Variants in ADGRL3 observed in about 807,000 individuals in gnomAD.
The protein encoded by ADGRL3 is calcium-independent alpha-latrotoxin receptor 3.
In ADGRL3, 62 loss-of-function variants were observed where a neutral mutation model predicts 153.5. The ratio of observed to expected loss-of-function variants is 0.40; its 90% CI spans 0.33 to 0.50. ADGRL3 has a LOEUF of 0.50. Ranked by LOEUF, ADGRL3 falls within the 20% of genes least tolerant of loss-of-function variation. The pLI is 0.47. For missense variants in ADGRL3, 1,641 were observed against 1,859.4 expected (o/e 0.88, Z 2.16); for synonymous variants, 710 against 672.5 (o/e 1.06, Z -0.86).
intron 1 of ADGRL3, among the ~76,000 whole-genome samples, chr4:61,344,787 A>G (rs2151199959): frequency 6.6e-6 from 1 of 151,658 alleles, no homozygotes; most frequent in African/African-American, 2.4e-5. Flanking sequence ...TTATTTATTT[A>G]TTTATTATTT....
At chr4:61,440,295 G>T (rs1172998463) in intron 2 of ADGRL3, among the ~76,000 whole-genome samples, 15 of 152,112 alleles carry the variant, frequency 9.9e-5, no homozygotes, top group Admixed American at 9.8e-4. Context: ...TGATCCGCCT[G>T]CCTTGGCCTC....
intron 8 of ADGRL3, among the ~76,000 whole-genome samples, chr4:61,769,653 G>A (rs1041657305): frequency 6.6e-5 from 10 of 152,068 alleles, no homozygotes; most frequent in Non-Finnish European, 1.5e-4. Flanking sequence ...GTCAGTGAAG[G>A]GAGATAAGGG....
chr4:61,275,115 G>T (rs1030860442), intron 1 of ADGRL3, among the ~76,000 whole-genome samples: 3 of 152,136 alleles, frequency 2.0e-5, no homozygotes, highest in Non-Finnish European at 2.9e-5. Context: ...ATAGATGATG[G>T]AGTCAACCTG....
At chr4:61,460,326 T>C (rs2097795603) in intron 2 of ADGRL3, among the ~76,000 whole-genome samples, 1 of 152,104 alleles carries the variant, frequency 6.6e-6, no homozygotes, top group Non-Finnish European at 1.5e-5. Context: ...GAAGAGGGTG[T>C]CCTTTCCCCA....
Position 61,847,612 on chromosome 4 carries a change from TATATATATAATATAAAA to T in ADGRL3, c.1480+33724_1480+33740del, listed in dbSNP as rs1561350356. Among the ~76,000 whole-genome samples the T allele has an allele frequency of 1.2e-3, 56 of 46,992 alleles. 1 individual carries two copies. Among genetic ancestry groups the T allele is most frequent in the Non-Finnish European group, 1.1e-3 (30 of 27,942 alleles). 30.8% of individuals were successfully genotyped at this position (46,992 alleles called of 152,430 possible). On this transcript the variant is annotated intron_variant, in intron 9 of 26. Transcript: ENST00000683033. ...TATATATATATAATATATAATATAT[TATATATATAATATAAAA>T]TATATTATATATATAATATAAAATA...
At chr4:61,259,655 G>A (rs1004727705) in intron 1 of ADGRL3, among the ~76,000 whole-genome samples, 2 of 152,046 alleles carry the variant, frequency 1.3e-5, no homozygotes, top group African/African-American at 2.4e-5. Flanking sequence ...AAATCACTAG[G>A]AAATGTCCTC....
rs1034964880 is a variant in ADGRL3, at chr4:61,833,191, T to A, written c.1480+19302T>A. Among the ~76,000 whole-genome samples, 53 of 152,300 alleles carry A rather than the reference T, an allele frequency of 3.5e-4. 1 individual carries two copies. The highest frequency in any genetic ancestry group is 1.2e-3 in the African/African-American group (49 of 41,550). Reference sequence around the variant, plus strand: ...GCTTTATAGGTGGTAGAAAAAATACTGGCTGCATGGAAATTTTATATAAAA... The same window carrying A: ...GCTTTATAGGTGGTAGAAAAAATACAGGCTGCATGGAAATTTTATATAAAA... On this transcript the variant is annotated intron_variant, in intron 9 of 26. Transcript: ENST00000683033.
chr4:61,644,664 T>G (rs1356136172), intron 5 of ADGRL3, among the ~76,000 whole-genome samples: 2 of 152,212 alleles, frequency 1.3e-5, no homozygotes, highest in African/African-American at 4.8e-5. Flanking sequence ...TTTGTTATAA[T>G]TTCTGTTCTT....
chr4:61,565,154 TA>T (rs1044347624), intron 4 of ADGRL3, among the ~76,000 whole-genome samples: 1 of 152,112 alleles, frequency 6.6e-6, no homozygotes, highest in African/African-American at 2.4e-5. Context: ...CTTCAATTTG[TA>T]AAAAACACAG....
chr4:61,213,357 G>A lies in ADGRL3; in HGVS notation c.-240+11592G>A, dbSNP rs377355794. Among the ~76,000 whole-genome samples, 51 of 152,180 alleles carry A rather than the reference G, an allele frequency of 3.4e-4. 1 individual carries two copies. The South Asian group carries it at 7.9e-3, about 23-fold the overall frequency. The stretch of plus-strand genomic sequence containing the variant: ...TTTCCTCCACATACATCATTTGTGC[G>A]TGCTTTTTCCATTCTACTTGGGTGC... On this transcript the variant is annotated intron_variant, in intron 1 of 26. Coordinates refer to ENST00000683033, the MANE Select transcript of ADGRL3 (RefSeq NM_001387552.1).
intron 23 of ADGRL3, among the ~76,000 whole-genome samples, chr4:62,036,509 C>A (rs915755335): frequency 6.6e-6 from 1 of 152,056 alleles, no homozygotes; most frequent in Admixed American, 6.6e-5. Flanking sequence ...TATGTTCTGT[C>A]TTTAATTCTC....
chr4:61,699,589 T>C (rs1324083511), intron 6 of ADGRL3, among the ~76,000 whole-genome samples: 1 of 152,088 alleles, frequency 6.6e-6, no homozygotes, highest in Non-Finnish European at 1.5e-5. Flanking sequence ...GAAAAATCAC[T>C]CTTGGTAGAA....
At chr4:61,613,812 G>A (rs1225784122) in intron 5 of ADGRL3, among the ~76,000 whole-genome samples, 1 of 152,108 alleles carries the variant, frequency 6.6e-6, no homozygotes, top group African/African-American at 2.4e-5. Flanking sequence ...AACAAAATAT[G>A]TAAACTGAGA....
At chr4:61,454,608 A>C (rs748275380) in intron 2 of ADGRL3, among the ~76,000 whole-genome samples, 26 of 152,144 alleles carry the variant, frequency 1.7e-4, no homozygotes, top group Non-Finnish European at 3.1e-4. Context: ...CTTATTTTGC[A>C]TATAGTCTGT....
At chr4:61,865,930 G>A (rs1270969196) in intron 9 of ADGRL3, among the ~76,000 whole-genome samples, 1 of 152,184 alleles carries the variant, frequency 6.6e-6, no homozygotes, top group Non-Finnish European at 1.5e-5. Context: ...GGTAGTATAA[G>A]TGATTTCATG....
chr4:61,314,974 G>A (rs9685679), intron 1 of ADGRL3, among the ~76,000 whole-genome samples: 73,378 of 152,030 alleles, frequency 0.48, 18,972 homozygotes, highest in East Asian at 0.71. Context: ...GATACTTACC[G>A]GATAACTGCT....
At position 61,517,308 on chromosome 4, in the gene ADGRL3, C is replaced by T; in HGVS notation, c.56-7C>T. On this transcript the variant is annotated splice_region_variant and splice_polypyrimidine_tract_variant and intron_variant, in intron 3 of 26. Transcript: ENST00000683033. The stretch of plus-strand genomic sequence containing the variant: ...GGGTCTGATGGTGCGCCCTGCGGTC[C>T]CCGCAGGTGGCAAGCACAGTGAACG... 1 of 702,390 alleles carries T rather than the reference C, an allele frequency of 1.4e-6. No individual in the cohort carries two copies. Among genetic ancestry groups the T allele is most frequent in the Non-Finnish European group, 2.6e-6 (1 of 385,072 alleles). The allele number at this position is 702,390 out of a possible 1,614,324, so 43.5% of individuals were successfully genotyped here.
rs2098976023 is a variant in ADGRL3, at chr4:61,958,413, CTTTCTTTCTTTA to C, written c.2805+10140_2805+10151del. ...TCTTTCTTTCTTTCTTTCTTTCTTTCTTTCTTTCTTTATTAGAAACCACAACACTAACTGCTG... is the reference window on the plus strand; with the variant it reads ...TCTTTCTTTCTTTCTTTCTTTCTTTCTTAGAAACCACAACACTAACTGCTG... On this transcript the variant is annotated intron_variant, in intron 17 of 26. Coordinates refer to ENST00000683033, the MANE Select transcript of ADGRL3 (RefSeq NM_001387552.1). 2.2e-5 allele frequency among the ~76,000 whole-genome samples: 3 copies of C among 136,678 alleles called. No individual in the cohort carries two copies. In the South Asian group the frequency reaches 7.4e-4, roughly 34 times the overall value. The allele number at this position is 136,678 out of a possible 152,430, so 89.7% of individuals were successfully genotyped here. A position where few individuals can be genotyped will look rare whatever the true frequency, so the allele number is the denominator to read the frequency against.
rs1176849335 is a variant in ADGRL3 at position 61,690,013 on chromosome 4, A to G, written c.583+13078A>G. Among the ~76,000 whole-genome samples, 5 of 152,138 alleles carry G rather than the reference A, an allele frequency of 3.3e-5. No homozygotes were observed. In the South Asian group the frequency reaches 6.2e-4, roughly 19 times the overall value. ...TATGTTCACTACACATTAAATCGCT[A>G]CACACTAACCATTTGCTTTTTGGAA... is the stretch of plus-strand genomic sequence containing the variant. On this transcript the variant is annotated intron_variant, in intron 6 of 26. Transcript: ENST00000683033.
Sources: allele counts gnomAD v4.1 joint callset (sites outside exome capture counted in the v4.1 genomes callset), GRCh38; gene constraint gnomAD v4.1.1; transcripts MANE v1.5; gene names NCBI Gene and HGNC (gene_info 2026-07-23, HGNC 2026-07-21).